EIF4E1B: variants seen among roughly 807,000 people sequenced by gnomAD.
EIF4E1B encodes eukaryotic translation initiation factor 4E family member 1B.
In EIF4E1B, 22 loss-of-function variants were observed where a neutral mutation model predicts 31.3. The ratio of observed to expected loss-of-function variants is 0.70; its 90% CI spans 0.50 to 1.00. The LOEUF is 1.00. EIF4E1B is among the 50% of genes least tolerant of loss of function. The pLI, the probability that EIF4E1B is intolerant of heterozygous loss-of-function variation, is 0.00. For synonymous variants in EIF4E1B, 126 were observed against 120.2 expected, an observed-to-expected ratio of 1.05 and a Z score of -0.31; for missense variants, 290 against 311.6, an observed-to-expected ratio of 0.93 and a Z score of 0.52.
intron 1 of EIF4E1B, among the ~76,000 whole-genome samples, chr5:176,641,111 A>G (rs113208318): frequency 0.022 from 3,350 of 152,144 alleles, 114 homozygotes; most frequent in African/African-American, 0.073. Flanking sequence ...TTGAGTCTAG[A>G]CATTCAAGAC....
intron 1 of EIF4E1B, among the ~76,000 whole-genome samples, chr5:176,636,106 C>T (rs1186839915): frequency 2.6e-5 from 4 of 152,210 alleles, no homozygotes; most frequent in African/African-American, 9.6e-5. Flanking sequence ...CATGAGCCAC[C>T]GTTCCCAGCT....
intron 1 of EIF4E1B, 140 bp downstream of exon 1, chr5:176,631,204 G>A (rs1215904558): frequency 1.3e-5 from 2 of 152,270 alleles, no homozygotes; most frequent in African/African-American, 2.4e-5. Context: ...CGATGGGTGA[G>A]GACAAGATCC....
At chr5:176,644,574 A>G in intron 6 of EIF4E1B, 135 bp downstream of exon 6, 2 of 1,020,304 alleles carry the variant, frequency 2.0e-6, no homozygotes, top group Non-Finnish European at 2.8e-6. Context: ...GTGGTTTCTG[A>G]CTGGAGGAAA....
Position 176,645,537 on chromosome 5 carries a change from A to AG in EIF4E1B, c.614+24dup. On this transcript the variant is annotated intron_variant, in intron 8 of 8. Transcript: ENST00000318682. The surrounding 1 kb of genome is among the most constrained non-coding windows in gnomAD (Gnocchi z 5.4). ...GTTGGGTGAGGAGGGTCTCTGGCAC[A>AG]GGGTGGGGACTTGGGTCTCTGCTAG... 1 of 1,504,996 alleles carries AG rather than the reference A, an allele frequency of 6.6e-7. No individual in the cohort carries two copies. Among genetic ancestry groups the AG allele is most frequent in the African/African-American group, 1.4e-5 (1 of 71,392 alleles). The allele number at this position is 1,504,996 out of a possible 1,614,324, so 93.2% of individuals were successfully genotyped here.
Position 176,642,713 on chromosome 5 carries a change from TTGGCCCCCA to T in EIF4E1B, c.-71_-63del, listed in dbSNP as rs1398254753. On this transcript the variant is annotated 5_prime_UTR_variant, in exon 3 of 9. An upstream start codon of the reference 5' UTR is lost. Transcript: ENST00000318682. ...AAATATTGACGCTTACCTTCAGGTC[TTGGCCCCCA>T]TGGTGTGGGGCTTGGTCACAGCTGC... is the stretch of plus-strand genomic sequence containing the variant. The T allele has an allele frequency of 6.5e-7, 1 of 1,546,920 alleles. No individual in the cohort carries two copies. Among genetic ancestry groups the T allele is most frequent in the African/African-American group, 1.4e-5 (1 of 72,862 alleles).
In EIF4E1B at chr5:176,642,784, C is replaced by T; in HGVS notation, c.-4C>T. On this transcript the variant is annotated 5_prime_UTR_variant, in exon 3 of 9. Transcript: ENST00000318682. ...CAGGCCTGCACGAAGAAGGCACTCA[C>T]TAAATGCTTGCTGTTGAGGTAATCA... 6.4e-7 allele frequency: 1 copy of T among 1,556,654 alleles called. No homozygotes were observed. Among genetic ancestry groups the T allele is most frequent in the Middle Eastern group, 1.7e-4 (1 of 5,968 alleles).
chr5:176,642,126 C>T lies in EIF4E1B; in HGVS notation c.-118C>T, dbSNP rs1050392758. ...TAGAACCCAGGCTGTGTGGCTGCAG[C>T]CCTGACCCTCACCATCCAGGTCAGG... On this transcript the variant is annotated 5_prime_UTR_variant, in exon 2 of 9. Coordinates refer to ENST00000318682, the MANE Select transcript of EIF4E1B (RefSeq NM_001099408.2). 1 of 152,730 alleles carries T rather than the reference C, an allele frequency of 6.5e-6. No individual in the cohort carries two copies. Among genetic ancestry groups the T allele is most frequent in the African/African-American group, 2.4e-5 (1 of 41,432 alleles). 9.5% of individuals were successfully genotyped at this position (152,730 alleles called of 1,614,324 possible).
intron 1 of EIF4E1B, among the ~76,000 whole-genome samples, chr5:176,632,283 T>TCTCC (rs1290195097): frequency 6.6e-6 from 1 of 152,034 alleles, no homozygotes; most frequent in African/African-American, 2.4e-5. Flanking sequence ...TGAGATGGAG[T>TCTCC]CTCCCTCTGT....
chr5:176,644,248 T>TTAA (rs1314450991), intron 5 of EIF4E1B, 128 bp from the exon 6 acceptor site: 2 of 899,258 alleles, frequency 2.2e-6, no homozygotes, highest in Non-Finnish European at 3.4e-6. Flanking sequence ...GAATCCCAGG[T>TTAA]GGCAGGCCAG....
At position 176,644,368 on chromosome 5, in the gene EIF4E1B, C is replaced by G; in HGVS notation, c.297-8C>G. On this transcript the variant is annotated splice_region_variant and splice_polypyrimidine_tract_variant and intron_variant, in intron 5 of 8. Coordinates refer to ENST00000318682, the MANE Select transcript of EIF4E1B (RefSeq NM_001099408.2). ...GACTTTTGGCATGGGGTCGGGGGCT[C>G]TGTCCAGGCTATACAGTCACATCCA... 1 of 1,584,506 alleles carries G rather than the reference C, an allele frequency of 6.3e-7. No individual in the cohort carries two copies. The highest frequency in any genetic ancestry group is 8.6e-7 in the Non-Finnish European group (1 of 1,164,998).
At position 176,645,283 on chromosome 5, in the gene EIF4E1B, C is replaced by A; in HGVS notation, c.474+40C>A. 6.3e-7 allele frequency: 1 copy of A among 1,593,956 alleles called. No homozygotes were observed. Among genetic ancestry groups the A allele is most frequent in the Non-Finnish European group, 8.6e-7 (1 of 1,166,754 alleles). ...GAGGGTCCTCAGGGGAAGAGACGGG[C>A]TGTGTGGGTCTCATGGTGGCAGTGG... On this transcript the variant is annotated intron_variant, in intron 7 of 8. Transcript: ENST00000318682. This position sits in a 1 kb window ranked among gnomAD's most constrained non-coding sequence, Gnocchi z 5.4.
chr5:176,643,830 C>G (rs1760642325), intron 5 of EIF4E1B, 96 bp downstream of exon 5: 1 of 1,274,252 alleles, frequency 7.8e-7, no homozygotes, highest in Non-Finnish European at 1.1e-6. Context: ...GGCCTTTCAG[C>G]CTTTGTGAGG....
intron 1 of EIF4E1B, among the ~76,000 whole-genome samples, chr5:176,636,071 C>A (rs1760488262): frequency 1.3e-5 from 2 of 152,196 alleles, no homozygotes; most frequent in African/African-American, 2.4e-5. Context: ...CCCGCCTCAG[C>A]CTCCCAAAGT....
At chr5:176,645,000 A>T (rs1760665540) in intron 6 of EIF4E1B, 130 bp from the exon 7 acceptor site, 14 of 772,244 alleles carry the variant, frequency 1.8e-5, no homozygotes, top group Non-Finnish European at 2.9e-5. Flanking sequence ...GCTTGCACTG[A>T]GGGAAGGGAG....
chr5:176,633,238 T>C (rs1760437655), intron 1 of EIF4E1B, among the ~76,000 whole-genome samples: 1 of 151,398 alleles, frequency 6.6e-6, no homozygotes, highest in South Asian at 2.1e-4. Context: ...TGTTTGTTTG[T>C]TTGTTTTAAG....
intron 1 of EIF4E1B, among the ~76,000 whole-genome samples, chr5:176,637,603 T>A (rs1266878225): frequency 6.6e-6 from 1 of 152,072 alleles, no homozygotes; most frequent in African/African-American, 2.4e-5. Flanking sequence ...TCACATACGA[T>A]GGGCAGGGAT....
intron 1 of EIF4E1B, among the ~76,000 whole-genome samples, chr5:176,637,108 C>T (rs187411415): frequency 2.1e-4 from 32 of 152,346 alleles, no homozygotes; most frequent in Admixed American, 1.3e-3. Flanking sequence ...ATAAGCCAGA[C>T]GCTGTTGTAG....
Position 176,645,376 on chromosome 5 carries a change from G to C in EIF4E1B, c.475-1G>C. 6.5e-7 allele frequency: 1 copy of C among 1,534,518 alleles called. No individual in the cohort carries two copies. The highest frequency in any genetic ancestry group is 8.8e-7 in the Non-Finnish European group (1 of 1,138,078). ...CTCACAACCCCCTACTTCGGGTCCA[G>C]CTGCTGTGTCTGATCGGGGAGAGCT... On this transcript the variant is annotated splice_acceptor_variant, in intron 7 of 8. Transcript: ENST00000318682. LOFTEE classifies it high-confidence loss of function. This position sits in a 1 kb window ranked among gnomAD's most constrained non-coding sequence, Gnocchi z 5.4.
chr5:176,646,341 A>C lies in EIF4E1B; in HGVS notation c.*361A>C. ...GGAGGTGAGGTGGCCTGAGAGACAG[A>C]CTCTTCCATGGGTGGTGGGCTCAAG... is the stretch of plus-strand genomic sequence containing the variant. On this transcript the variant is annotated 3_prime_UTR_variant, in exon 9 of 9. Transcript: ENST00000318682. The C allele has an allele frequency of 4.6e-6, 1 of 216,030 alleles. No homozygotes were observed. The highest frequency in any genetic ancestry group is 9.5e-6 in the Non-Finnish European group (1 of 104,894). The allele number at this position is 216,030 out of a possible 1,614,324, so 13.4% of individuals were successfully genotyped here.
Sources: allele counts gnomAD v4.1 joint callset (sites outside exome capture counted in the v4.1 genomes callset), GRCh38; gene constraint gnomAD v4.1.1; non-coding constraint Gnocchi (gnomAD v3.1); transcripts MANE v1.5; gene names NCBI Gene and HGNC (gene_info 2026-07-23, HGNC 2026-07-21).